Variants in FREM1 observed in about 807,000 individuals in gnomAD.
FREM1 encodes FRAS1 related extracellular matrix 1.
FREM1 carries 220 observed loss-of-function variants against 210.1 expected under a neutral mutation model. The ratio of observed to expected loss-of-function variants is 1.05; its 90% confidence interval spans 0.94 to 1.17. The LOEUF is 1.17. Ranked by LOEUF, FREM1 falls within the 50% of genes most tolerant of loss-of-function variation. The pLI is 0.00. For synonymous variants in FREM1, 1,189 were observed against 980.2 expected, an observed-to-expected ratio of 1.21 and a Z score of -3.98; for missense variants, 3,454 against 2,675.5, an observed-to-expected ratio of 1.29 and a Z score of -6.42.
At chr9:14,782,059 C>T (rs886889956) in intron 24 of FREM1, among the ~76,000 whole-genome samples, 3 of 152,270 alleles carry the variant, frequency 2.0e-5, no homozygotes, top group Middle Eastern at 3.4e-3. Context: ...ACAGACTAGA[C>T]CAGACTATTG....
chr9:14,898,191 T>C (rs913941915), intron 1 of FREM1, among the ~76,000 whole-genome samples: 30 of 152,142 alleles, frequency 2.0e-4, no homozygotes, highest in African/African-American at 6.5e-4. Flanking sequence ...TTCCTATTCT[T>C]CCTTGGGCTC....
At chr9:14,798,038 T>C (rs896957592) in intron 20 of FREM1, among the ~76,000 whole-genome samples, 1 of 152,094 alleles carries the variant, frequency 6.6e-6, no homozygotes, top group African/African-American at 2.4e-5. Context: ...ATATTAACAA[T>C]GTAACTGTTT....
rs144483426 is a variant in FREM1 at position 14,872,144 on chromosome 9, A to G, written c.-267-2900T>C. On this transcript the variant is annotated intron_variant, in intron 1 of 36. Coordinates refer to ENST00000380880, the MANE Select transcript of FREM1 (RefSeq NM_001379081.2). The stretch of plus-strand genomic sequence containing the variant: ...TCTTTTGGCTTAGGATTGACTTGGC[A>G]ATGCGGGCTCTTTTTTGGTTCCATA... 5.9e-5 allele frequency among the ~76,000 whole-genome samples: 9 copies of G among 152,216 alleles called. No homozygotes were observed. In the East Asian group the frequency reaches 7.7e-4, roughly 13 times the overall value.
In FREM1 at chr9:14,882,445, T is replaced by G. The variant is rs534825155; in HGVS notation, c.-267-13201A>C. On this transcript the variant is annotated intron_variant, in intron 1 of 36. Coordinates refer to ENST00000380880, the MANE Select transcript of FREM1 (RefSeq NM_001379081.2). The stretch of plus-strand genomic sequence containing the variant: ...CTGGATTCTAATCCCGATTATTATT[T>G]TTTTAATTTTCTTCTTATCTTTTTT... Among the ~76,000 whole-genome samples the G allele has an allele frequency of 1.3e-4, 20 of 151,198 alleles. No homozygotes were observed. In the South Asian group the frequency reaches 3.3e-3, roughly 25 times the overall value.
At chr9:14,814,316 G>C (rs1441294090) in intron 15 of FREM1, among the ~76,000 whole-genome samples, 2 of 152,130 alleles carry the variant, frequency 1.3e-5, no homozygotes, top group South Asian at 2.1e-4. Context: ...GTGACCTCTA[G>C]AAGAACAGTG....
chr9:14,858,029 T>C (rs1026857155), intron 4 of FREM1, among the ~76,000 whole-genome samples: 6 of 152,206 alleles, frequency 3.9e-5, no homozygotes, highest in Non-Finnish European at 8.8e-5. Context: ...TGAACATCTC[T>C]GACAAATAGA....
At chr9:14,876,409 C>A (rs1833755511) in intron 1 of FREM1, among the ~76,000 whole-genome samples, 2 of 152,184 alleles carry the variant, frequency 1.3e-5, no homozygotes, top group African/African-American at 2.4e-5. Context: ...AGCCTCGCTG[C>A]CGCCTTGCAG....
intron 24 of FREM1, among the ~76,000 whole-genome samples, chr9:14,783,931 G>A (rs141738318): frequency 1.4e-3 from 212 of 152,228 alleles, no homozygotes; most frequent in African/African-American, 4.7e-3. Flanking sequence ...ATCCCTTTTC[G>A]TCAGACAGAA....
At chr9:14,865,936 CA>C (rs33957859) in intron 2 of FREM1, among the ~76,000 whole-genome samples, 39,747 of 151,734 alleles carry the variant, frequency 0.26, 5,992 homozygotes, top group East Asian at 0.71. Flanking sequence ...AATATTTGGC[CA>C]AAAAAAGTAC....
At chr9:14,820,276 A>T (rs1821045473) in intron 13 of FREM1, among the ~76,000 whole-genome samples, 1 of 152,298 alleles carries the variant, frequency 6.6e-6, no homozygotes, top group Admixed American at 6.5e-5. Context: ...TGTTTAACCT[A>T]TCATTACCCC....
intron 1 of FREM1, among the ~76,000 whole-genome samples, chr9:14,894,180 T>C (rs1178963243): frequency 6.6e-6 from 1 of 152,236 alleles, no homozygotes; most frequent in Non-Finnish European, 1.5e-5. Flanking sequence ...GTTGGCTTTC[T>C]TAGGGCTGTA....
At chr9:14,907,671 C>A (rs1818013224) in intron 1 of FREM1, among the ~76,000 whole-genome samples, 1 of 152,196 alleles carries the variant, frequency 6.6e-6, no homozygotes. Context: ...CTCAATATTC[C>A]TGTGGTCATG....
At chr9:14,783,419 C>T (rs1461187357) in intron 24 of FREM1, among the ~76,000 whole-genome samples, 3 of 152,168 alleles carry the variant, frequency 2.0e-5, no homozygotes, top group Non-Finnish European at 2.9e-5. Context: ...TGTATTGTGA[C>T]GTGGTGAAAA....
rs1830209518 is a variant in FREM1, at chr9:14,861,038, CATATATACATATAT to C, written c.330-1568_330-1555del. On this transcript the variant is annotated intron_variant, in intron 3 of 36. Transcript: ENST00000380880. ...ATATATACACATATATACATATATA[CATATATACATATAT>C]ACATATATACACATATACATATATA... 2.7e-5 allele frequency among the ~76,000 whole-genome samples: 2 copies of C among 74,268 alleles called. 1 individual carries two copies. The highest frequency in any genetic ancestry group is 1.4e-4 in the African/African-American group (2 of 14,314). 48.7% of individuals were successfully genotyped at this position (74,268 alleles called of 152,430 possible). A position where few individuals can be genotyped will look rare whatever the true frequency, so the allele number is the denominator to read the frequency against.
chr9:14,842,721 G>C (rs1825904499), intron 8 of FREM1, 61 bp from the exon 9 acceptor site: 2 of 1,245,022 alleles, frequency 1.6e-6, no homozygotes, highest in East Asian at 4.6e-5. Flanking sequence ...AGCAGCTGTG[G>C]GGAAAGCATC....
rs1285395622 is a variant in FREM1 at position 14,776,034 on chromosome 9, G to C, written c.4612C>G (p.Pro1538Ala). The change falls in exon 25 of 37, where the codon CCT becomes GCT. Residue 1538 changes from proline to alanine, a missense_variant. Physicochemically the swap from Pro to Ala is conservative, Grantham distance 27. Coordinates refer to ENST00000380880, the MANE Select transcript of FREM1 (RefSeq NM_001379081.2). The stretch of plus-strand genomic sequence containing the variant: ...AAGAGGAAGGTGAGGTTCTCCGCAG[G>C]TGTATCAGGGTCGGTCAGCTGAAGG... ...DLLQLTDPDT[P>A]AENLTFLLVQ... is the part of the protein sequence containing the mutation. 1.9e-6 allele frequency: 3 copies of C among 1,614,000 alleles called. No homozygotes were observed. The highest frequency in any genetic ancestry group is 1.6e-4 in the Middle Eastern group (1 of 6,062).
chr9:14,890,702 T>A (rs1689066198), intron 1 of FREM1, among the ~76,000 whole-genome samples: 1 of 152,152 alleles, frequency 6.6e-6, no homozygotes. Context: ...AAATTCAAAT[T>A]CCAGGATATC....
intron 1 of FREM1, among the ~76,000 whole-genome samples, chr9:14,873,137 G>T (rs1426430959): frequency 1.3e-5 from 2 of 151,860 alleles, no homozygotes; most frequent in Admixed American, 1.3e-4. Context: ...TCTCTTTTTT[G>T]GTTGTGTCTC....
At chr9:14,817,536 C>A (rs1820523609) in intron 14 of FREM1, among the ~76,000 whole-genome samples, 1 of 152,166 alleles carries the variant, frequency 6.6e-6, no homozygotes, top group Non-Finnish European at 1.5e-5. Context: ...ATAGGCCCTC[C>A]ACATACTCTC....
Sources: allele counts gnomAD v4.1 joint callset (sites outside exome capture counted in the v4.1 genomes callset), GRCh38; gene constraint gnomAD v4.1.1; transcripts MANE v1.5; gene names NCBI Gene and HGNC (gene_info 2026-07-23, HGNC 2026-07-21).